Variants in EYS observed in about 807,000 individuals in gnomAD.
EYS encodes the protein protein eyes shut homolog.
A neutral mutation model predicts 282.1 loss-of-function variants in EYS; 250 were observed. The observed-to-expected ratio is 0.89, with a 90% CI of 0.80 to 0.98. The LOEUF (loss-of-function observed/expected upper bound fraction) is 0.98, where lower values mean the gene tolerates loss of function less well. Ranked by LOEUF, EYS falls within the 50% of genes least tolerant of loss-of-function variation. The probability of loss-of-function intolerance (pLI) is 0.00; values close to 1 mark genes in which losing one functional copy is unlikely to be tolerated. For missense variants in EYS, 4,016 were observed against 3,709.0 expected (o/e 1.08, Z -2.15); for synonymous variants, 1,355 against 1,282.9 (o/e 1.06, Z -1.20).
intron 12 of EYS, among the ~76,000 whole-genome samples, chr6:65,125,963 C>G (rs542583405): frequency 1.3e-5 from 2 of 152,122 alleles, no homozygotes; most frequent in Admixed American, 6.6e-5. Flanking sequence ...TAGCCTGCAT[C>G]TTCTGGTTGT....
intron 27 of EYS, among the ~76,000 whole-genome samples, chr6:64,438,899 A>G (rs1774838963): frequency 6.6e-6 from 1 of 151,614 alleles, no homozygotes; most frequent in Admixed American, 6.6e-5. Flanking sequence ...TATGTGATTA[A>G]TGAAATCCAG....
At chr6:63,743,649 C>T (rs758644354) in intron 41 of EYS, among the ~76,000 whole-genome samples, 40 of 152,184 alleles carry the variant, frequency 2.6e-4, no homozygotes, top group Non-Finnish European at 4.6e-4. Context: ...TTTGATGCAC[C>T]GTTTGTCTCC....
intron 13 of EYS, among the ~76,000 whole-genome samples, chr6:65,015,238 C>T (rs2150135367): frequency 6.6e-6 from 1 of 152,286 alleles, no homozygotes. Flanking sequence ...CAGTTAAATT[C>T]TGATAAAGTA....
At chr6:64,418,423 C>T (rs9362796) in intron 28 of EYS, among the ~76,000 whole-genome samples, 36,690 of 151,998 alleles carry the variant, frequency 0.24, 4,964 homozygotes, top group East Asian at 0.39. Flanking sequence ...TTTTTTCTTG[C>T]CTTTAAGTCT....
intron 22 of EYS, among the ~76,000 whole-genome samples, chr6:64,763,216 A>G (rs1773218532): frequency 6.6e-6 from 1 of 152,192 alleles, no homozygotes; most frequent in Admixed American, 6.5e-5. Context: ...GTCTGTTTTC[A>G]CTGTGCTATA....
chr6:65,418,722 G>A (rs892197610), intron 5 of EYS, among the ~76,000 whole-genome samples: 1 of 151,936 alleles, frequency 6.6e-6, no homozygotes, highest in African/African-American at 2.4e-5. Context: ...TGGTAGGTGA[G>A]GGGAGGGAAC....
At chr6:64,605,844 T>A (rs987950255) in intron 24 of EYS, among the ~76,000 whole-genome samples, 1 of 151,984 alleles carries the variant, frequency 6.6e-6, no homozygotes, top group Non-Finnish European at 1.5e-5. Flanking sequence ...TTTTGAGAAC[T>A]GGCAAGTAGA....
chr6:64,327,482 G>A (rs777178828), intron 29 of EYS, among the ~76,000 whole-genome samples: 1 of 152,110 alleles, frequency 6.6e-6, no homozygotes. Context: ...TTTAATGTAG[G>A]GTAGCTGGCT....
chr6:64,916,113 G>A (rs1302932351), intron 15 of EYS, among the ~76,000 whole-genome samples: 1 of 152,130 alleles, frequency 6.6e-6, no homozygotes, highest in African/African-American at 2.4e-5. Flanking sequence ...GCAATTTTAA[G>A]AGGAGAAAAG....
intron 2 of EYS, among the ~76,000 whole-genome samples, chr6:65,520,004 A>G (rs947233309): frequency 6.6e-6 from 1 of 151,012 alleles, no homozygotes; most frequent in Non-Finnish European, 1.5e-5. Context: ...TTTATAGATT[A>G]ATTTTACTCT....
chr6:65,443,187 A>T (rs371219563), intron 5 of EYS, among the ~76,000 whole-genome samples: 1 of 151,900 alleles, frequency 6.6e-6, no homozygotes, highest in Non-Finnish European at 1.5e-5. Flanking sequence ...CACATCATAT[A>T]CATATGTGCG....
intron 12 of EYS, among the ~76,000 whole-genome samples, chr6:65,122,459 A>T (rs1775586152): frequency 6.6e-6 from 1 of 152,084 alleles, no homozygotes; most frequent in Non-Finnish European, 1.5e-5. Flanking sequence ...CAATGAGAAA[A>T]TTTGATAGTC....
intron 35 of EYS, among the ~76,000 whole-genome samples, chr6:63,959,274 C>T (rs1205859613): frequency 6.6e-6 from 1 of 152,144 alleles, no homozygotes; most frequent in Admixed American, 6.5e-5. Flanking sequence ...TTCAACATCA[C>T]TGATAATCAG....
intron 22 of EYS, among the ~76,000 whole-genome samples, chr6:64,749,327 A>AT (rs1189434712): frequency 7.2e-5 from 11 of 152,196 alleles, no homozygotes; most frequent in Admixed American, 2.0e-4. Context: ...TGATTTATTT[A>AT]AGACCTTGTT....
chr6:65,514,408 A>G (rs1767035412), intron 2 of EYS, among the ~76,000 whole-genome samples: 1 of 152,192 alleles, frequency 6.6e-6, no homozygotes, highest in South Asian at 2.1e-4. Context: ...CAATCTACCA[A>G]TGACTTTTTT....
intron 31 of EYS, among the ~76,000 whole-genome samples, chr6:64,128,563 C>T (rs1337258865): frequency 6.6e-6 from 1 of 152,062 alleles, no homozygotes; most frequent in Non-Finnish European, 1.5e-5. Flanking sequence ...AATGTAAGGG[C>T]TGTCAACATT....
At chr6:65,339,852 A>T (rs1460538701) in intron 10 of EYS, among the ~76,000 whole-genome samples, 2 of 151,244 alleles carry the variant, frequency 1.3e-5, no homozygotes, top group African/African-American at 4.8e-5. Context: ...AGGCATCCTT[A>T]AACTGGCAAG....
At chr6:64,581,130 G>A (rs116576279) in intron 26 of EYS, among the ~76,000 whole-genome samples, 1,558 of 152,126 alleles carry the variant, frequency 0.01, 12 homozygotes, top group Non-Finnish European at 0.014. Flanking sequence ...GACAAATTGC[G>A]GAATAAAGGA....
At chr6:64,408,266 C>T (rs1773786785) in intron 28 of EYS, among the ~76,000 whole-genome samples, 1 of 151,928 alleles carries the variant, frequency 6.6e-6, no homozygotes, top group African/African-American at 2.4e-5. Context: ...TAGTTCAAGG[C>T]CTGTAAGACC....
Sources: allele counts gnomAD v4.1 joint callset (sites outside exome capture counted in the v4.1 genomes callset), GRCh38; gene constraint gnomAD v4.1.1; transcripts MANE v1.5; gene names NCBI Gene and HGNC (gene_info 2026-07-23, HGNC 2026-07-21).